HDAC3: variants seen among roughly 807,000 people sequenced by gnomAD.
HDAC3 encodes the protein histone deacetylase 3.
Under a neutral mutation model 62.3 loss-of-function variants are expected in HDAC3, and 21 were observed. The observed-to-expected ratio is 0.34, with a 90% confidence interval of 0.24 to 0.49. The LOEUF (loss-of-function observed/expected upper bound fraction) is 0.49. HDAC3 is among the 20% of genes least tolerant of loss of function. The pLI is 0.99. For synonymous variants in HDAC3, 198 were observed against 206.5 expected (o/e 0.96, Z 0.35); for missense variants, 270 against 556.9 (o/e 0.48, Z 5.19).
chr5:141,629,011 G>A lies in HDAC3; in HGVS notation c.610+162C>T, dbSNP rs1346874553. On this transcript the variant is annotated intron_variant, in intron 7 of 14. Transcript: ENST00000305264. This position sits in a 1 kb window ranked among gnomAD's most constrained non-coding sequence, Gnocchi z 5.3. Reference sequence around the variant, plus strand: ...TTCTGAGGGAAACAATGAGGCTGATGTAACAGAGGAATGGGGAAGGAGGTG... The same window carrying A: ...TTCTGAGGGAAACAATGAGGCTGATATAACAGAGGAATGGGGAAGGAGGTG... 6.6e-6 allele frequency among the ~76,000 whole-genome samples: 1 copy of A among 152,184 alleles called. No individual in the cohort carries two copies. The highest frequency in any genetic ancestry group is 1.5e-5 in the Non-Finnish European group (1 of 68,034).
At chr5:141,636,240 C>T (rs1015613795) in intron 2 of HDAC3, 4 of 409,530 alleles carry the variant, frequency 9.8e-6, no homozygotes, top group African/African-American at 6.0e-5. Context: ...GCCCTATCCA[C>T]ACTCTAAAAT....
chr5:141,625,321 C>T lies in HDAC3; in HGVS notation c.1104G>A (p.Met368Ile). 1 of 1,614,142 alleles carries T rather than the reference C, an allele frequency of 6.2e-7. No individual in the cohort carries two copies. Among genetic ancestry groups the T allele is most frequent in the Non-Finnish European group, 8.5e-7 (1 of 1,180,012 alleles). ...IRQTIFENLK[M>I]LNHAPSVQIH... ...TCTGGACACTAGGTGCATGGTTCAGCATCTTCAGGTTTTCAAAGATTGTCT... is the reference window on the plus strand; with the variant it reads ...TCTGGACACTAGGTGCATGGTTCAGTATCTTCAGGTTTTCAAAGATTGTCT... Residue 368 changes from methionine to isoleucine, a missense_variant, in exon 14 of 15, where the codon ATG becomes ATA. Physicochemically the swap from Met to Ile is conservative, Grantham distance 10 (BLOSUM62 1). This residue lies in a region of HDAC3 where 156 missense variants were observed against 383.9 expected (regional missense o/e 0.41). Coordinates refer to ENST00000305264, the MANE Select transcript of HDAC3 (RefSeq NM_003883.4). This position sits in a 1 kb window ranked among gnomAD's most constrained non-coding sequence, Gnocchi z 4.0.
At chr5:141,627,839 T>G in intron 10 of HDAC3, 54 bp downstream of exon 10, 1 of 1,533,138 alleles carries the variant, frequency 6.5e-7, no homozygotes. Context: ...ACCCACGTAC[T>G]GAAGTCCAAG....
chr5:141,629,568 C>G lies in HDAC3; in HGVS notation c.476+116G>C. The G allele has an allele frequency of 1.8e-6, 2 of 1,101,822 alleles. No homozygotes were observed. Among genetic ancestry groups the G allele is most frequent in the South Asian group, 1.3e-5 (1 of 74,306 alleles). The allele number at this position is 1,101,822 out of a possible 1,614,324, so 68.3% of individuals were successfully genotyped here. A position where few individuals can be genotyped will look rare whatever the true frequency, so the allele number is the denominator to read the frequency against. ...GGAAGAGGCAGCCTGAATAAAGCAT[C>G]AAGAACTTGGGAGAAGCTAATCAGG... On this transcript the variant is annotated intron_variant, in intron 6 of 14. Coordinates refer to ENST00000305264, the MANE Select transcript of HDAC3 (RefSeq NM_003883.4). This position sits in a 1 kb window ranked among gnomAD's most constrained non-coding sequence, Gnocchi z 5.3.
rs1358621003 is a variant in HDAC3 at position 141,627,932 on chromosome 5, T to C, written c.791A>G (p.Asp264Gly). 6.2e-7 allele frequency: 1 copy of C among 1,614,052 alleles called. No individual in the cohort carries two copies. Among genetic ancestry groups the C allele is most frequent in the African/African-American group, 1.3e-5 (1 of 74,960 alleles). ...GCTGAGGTTAAAGCAGCCCAATCGA[T>C]CACAGCCCAGAGAGTCAGCTCCACA... ...LQCGADSLGCDRLGCFNLSIR... is the reference protein window; with the variant it reads ...LQCGADSLGCGRLGCFNLSIR... Residue 264 changes from aspartate (D) to glycine (G), a missense_variant, in exon 10 of 15, where the codon GAT becomes GGT. By Grantham distance (94) the Asp-to-Gly change is moderately conservative (BLOSUM62 -1). Around this residue, in one of 5 missense-constraint regions of HDAC3, gnomAD observed 156 missense variants for 383.9 expected, o/e 0.41. Transcript: ENST00000305264.
chr5:141,636,014 T>C (rs375917142), intron 2 of HDAC3: 4 of 156,622 alleles, frequency 2.6e-5, no homozygotes, highest in African/African-American at 7.2e-5. Context: ...AGCAGAACCA[T>C]GTAGAGGTAT....
chr5:141,621,517 A>T lies in HDAC3; in HGVS notation c.1238T>A (p.Phe413Tyr), dbSNP rs757507638. Residue 413 changes from phenylalanine to tyrosine, a missense_variant, in exon 15 of 15, where the codon TTC becomes TAC. This residue lies in a region of HDAC3 where 44 missense variants were observed against 64.3 expected (regional missense o/e 0.68). Transcript: ENST00000305264. ...NYSRPEAPNEFYDGDHDNDKE... is the reference protein window; with the variant it reads ...NYSRPEAPNEYYDGDHDNDKE... ...GTCATTGTCATGGTCTCCATCATAG[A>T]ACTCATTGGGTGCCTCTGGCCTGCA... 6.2e-7 allele frequency: 1 copy of T among 1,614,058 alleles called. No homozygotes were observed. Among genetic ancestry groups the T allele is most frequent in the South Asian group, 1.1e-5 (1 of 91,082 alleles).
Position 141,625,568 on chromosome 5 carries a change from G to A in HDAC3, c.1059+117C>T, listed in dbSNP as rs1386246932. The A allele has an allele frequency of 1.7e-6, 2 of 1,163,896 alleles. No homozygotes were observed. The highest frequency in any genetic ancestry group is 3.0e-5 in the African/African-American group (2 of 65,610). The allele number at this position is 1,163,896 out of a possible 1,614,324, so 72.1% of individuals were successfully genotyped here. ...GGACTGCCTCCTAGTCAATAACAGT[G>A]ACTGTGATGGCTTAGAACTTCCTTC... On this transcript the variant is annotated intron_variant, in intron 13 of 14. Transcript: ENST00000305264. This position sits in a 1 kb window ranked among gnomAD's most constrained non-coding sequence, Gnocchi z 4.0.
chr5:141,621,608 A>T (rs2099903711), intron 14 of HDAC3, 71 bp from the exon 15 acceptor site: 3 of 1,350,604 alleles, frequency 2.2e-6, no homozygotes, highest in Non-Finnish European at 3.2e-6. Context: ...CCTTTTCCAA[A>T]GCCATTTCTC....
rs772976287 is a variant in HDAC3, at chr5:141,629,306, C to T, written c.477G>A (p.Lys159=). ...CAATGTAGAGCACCCGAGGGTGGTACCTAGAGGGAAGCCAAAGCCAGGGTC... is the reference window on the plus strand; with the variant it reads ...CAATGTAGAGCACCCGAGGGTGGTATCTAGAGGGAAGCCAAAGCCAGGGTC... The part of the protein sequence containing the change: ...DIVIGILELL[K]YHPRVLYIDI... The change falls in exon 7 of 15, where the codon AAG becomes AAA. Residue 159 remains lysine (K), a splice_region_variant and synonymous_variant. Coordinates refer to ENST00000305264, the MANE Select transcript of HDAC3 (RefSeq NM_003883.4). The surrounding 1 kb of genome is among the most constrained non-coding windows in gnomAD (Gnocchi z 5.3). The T allele has an allele frequency of 2.5e-6, 4 of 1,613,992 alleles. No individual in the cohort carries two copies. The highest frequency in any genetic ancestry group is 1.7e-5 in the Admixed American group (1 of 59,988).
chr5:141,622,685 A>C (rs956763096), intron 14 of HDAC3, among the ~76,000 whole-genome samples: 1 of 152,230 alleles, frequency 6.6e-6, no homozygotes, highest in Admixed American at 6.5e-5. Flanking sequence ...TGAGGCACTA[A>C]GCCAGGAAAG....
chr5:141,633,036 T>G (rs1170662979), intron 3 of HDAC3, among the ~76,000 whole-genome samples: 1 of 152,214 alleles, frequency 6.6e-6, no homozygotes, highest in Non-Finnish European at 1.5e-5. Flanking sequence ...CTCAATTTAC[T>G]TATATATAAC....
At position 141,628,545 on chromosome 5, in the gene HDAC3, A is replaced by C. The variant is rs2099904779; in HGVS notation, c.691+14T>G. ...AAGGGGCCTAGGGAACAGAGGGAAG[A>C]CTTCGGTACTTACTCTGGTCATCAA... On this transcript the variant is annotated intron_variant, in intron 8 of 14. Transcript: ENST00000305264. The surrounding 1 kb of genome is among the most constrained non-coding windows in gnomAD (Gnocchi z 4.7). 6.2e-7 allele frequency: 1 copy of C among 1,606,660 alleles called. No individual in the cohort carries two copies. The highest frequency in any genetic ancestry group is 1.7e-5 in the Admixed American group (1 of 59,964).
intron 3 of HDAC3, among the ~76,000 whole-genome samples, chr5:141,633,001 C>G (rs1420115557): frequency 2.0e-5 from 3 of 152,176 alleles, no homozygotes; most frequent in Non-Finnish European, 4.4e-5. Context: ...GTGACTACGG[C>G]TAAGTTACCT....
rs1340260486 is a variant in HDAC3, at chr5:141,628,087, C to T, written c.765+27G>A. ...TCTTTCCCCAAGCCCAGGCAGAACACTCCTGAGGAGGAACTGACAGTATTA... is the reference window on the plus strand; with the variant it reads ...TCTTTCCCCAAGCCCAGGCAGAACATTCCTGAGGAGGAACTGACAGTATTA... On this transcript the variant is annotated intron_variant, in intron 9 of 14. Transcript: ENST00000305264. This position sits in a 1 kb window ranked among gnomAD's most constrained non-coding sequence, Gnocchi z 4.7. 3.7e-6 allele frequency: 6 copies of T among 1,610,900 alleles called. No individual in the cohort carries two copies. Among genetic ancestry groups the T allele is most frequent in the Non-Finnish European group, 5.1e-6 (6 of 1,177,008 alleles).
rs572997553 is a variant in HDAC3, at chr5:141,626,751, A to G, written c.831-468T>C. 6.8e-6 allele frequency among the ~76,000 whole-genome samples: 1 copy of G among 146,314 alleles called. No homozygotes were observed. Among genetic ancestry groups the G allele is most frequent in the African/African-American group, 2.6e-5 (1 of 38,874 alleles). ...GAGCAAGACTCCATCTCAAAAAAGA[A>G]AAAAAAAAACATATATATGTGTGTG... On this transcript the variant is annotated intron_variant, in intron 10 of 14. Coordinates refer to ENST00000305264, the MANE Select transcript of HDAC3 (RefSeq NM_003883.4). This position sits in a 1 kb window ranked among gnomAD's most constrained non-coding sequence, Gnocchi z 4.6.
intron 2 of HDAC3, 90 bp downstream of exon 2, chr5:141,636,458 T>G: frequency 8.8e-7 from 1 of 1,135,058 alleles, no homozygotes. Context: ...TAGGGGCGGG[T>G]CGCACTTCAT....
In HDAC3 at chr5:141,625,062, AT is replaced by A. The variant is rs2099904267; in HGVS notation, c.1217+145del. The A allele has an allele frequency of 3.8e-6, 3 of 797,644 alleles. No homozygotes were observed. The highest frequency in any genetic ancestry group is 5.9e-6 in the Non-Finnish European group (3 of 511,038). The allele number at this position is 797,644 out of a possible 1,614,324, so 49.4% of individuals were successfully genotyped here. A position where few individuals can be genotyped will look rare whatever the true frequency, so the allele number is the denominator to read the frequency against. ...ATACGTGTTACTTTTGTCATTAAAA[AT>A]AACAAAGAAAAGAGTGAGGAAATTG... On this transcript the variant is annotated intron_variant, in intron 14 of 14. Coordinates refer to ENST00000305264, the MANE Select transcript of HDAC3 (RefSeq NM_003883.4). This position sits in a 1 kb window ranked among gnomAD's most constrained non-coding sequence, Gnocchi z 4.0.
In HDAC3 at chr5:141,629,899, A is replaced by G; in HGVS notation, c.381T>C (p.Ile127=). Residue 127 remains isoleucine (I), a synonymous_variant, in exon 5 of 15, where the codon ATT becomes ATC. Coordinates refer to ENST00000305264, the MANE Select transcript of HDAC3 (RefSeq NM_003883.4). The surrounding 1 kb of genome is among the most constrained non-coding windows in gnomAD (Gnocchi z 5.3). ...QLNNKICDIA[I]NWAGGLHHAK... ...CATGGTGCAGACCACCAGCCCAGTT[A>G]ATGGCAATATCACAGATCTGAAAGA... is the stretch of plus-strand genomic sequence containing the variant. 1 of 1,614,178 alleles carries G rather than the reference A, an allele frequency of 6.2e-7. No individual in the cohort carries two copies. Among genetic ancestry groups the G allele is most frequent in the Non-Finnish European group, 8.5e-7 (1 of 1,180,022 alleles).
Sources: gnomAD v4.1 joint callset for allele counts (sites outside exome capture counted in the v4.1 genomes callset) on GRCh38, gnomAD v4.1.1 for gene constraint, gnomAD v4.1.1 regional missense constraint, Gnocchi (gnomAD v3.1) non-coding constraint, MANE v1.5 for transcripts, NCBI Gene and HGNC (gene_info 2026-07-23, HGNC 2026-07-21) for gene names.